SGCD: variants seen among roughly 807,000 people sequenced by gnomAD.
SGCD encodes the protein sarcoglycan delta, also known as delta-sarcoglycan.
Under a neutral mutation model 36.6 loss-of-function variants are expected in SGCD, and 18 were observed. That is an observed-to-expected ratio of 0.49 (90% CI 0.34 to 0.73). SGCD has a LOEUF of 0.73. Ranked by LOEUF, SGCD falls within the 30% of genes least tolerant of loss-of-function variation. The pLI is 0.01. For missense variants in SGCD, 387 were observed against 346.7 expected (o/e 1.12, Z -0.92); for synonymous variants, 133 against 130.6 (o/e 1.02, Z -0.12).
In SGCD at chr5:156,051,441, T is replaced by C. The variant is rs911639270; in HGVS notation, c.-281-66437T>C. ...TGACCACATGGAGAGAGATGGGAGC[T>C]GTCTGCTTTTTGGCAAACTGAATAA... is the stretch of plus-strand genomic sequence containing the variant. On this transcript the variant is annotated intron_variant, in intron 1 of 9. Transcript: ENST00000517913. Among the ~76,000 whole-genome samples, 5 of 146,474 alleles carry C rather than the reference T, an allele frequency of 3.4e-5. 1 individual carries two copies. The highest frequency in any genetic ancestry group is 1.2e-4 in the African/African-American group (5 of 40,746).
chr5:156,129,376 G>T (rs1053612560), intron 3 of SGCD, among the ~76,000 whole-genome samples: 2 of 152,000 alleles, frequency 1.3e-5, no homozygotes, highest in Admixed American at 6.6e-5. Flanking sequence ...CAAATCATAC[G>T]GCTTGGTCAC....
At chr5:156,595,183 G>A (rs930694727) in intron 6 of SGCD, 132 bp downstream of exon 6, 1 of 1,070,694 alleles carries the variant, frequency 9.3e-7, no homozygotes, top group African/African-American at 1.6e-5. Flanking sequence ...CAAGATAATG[G>A]TATTAGGAGG....
In SGCD at chr5:156,094,930, G is replaced by A. The variant is rs193089951; in HGVS notation, c.-281-22948G>A. On this transcript the variant is annotated intron_variant, in intron 1 of 9. Coordinates refer to the SGCD transcript ENST00000517913. ...GCAGGAGAATCACCTGAACCTGGGA[G>A]GTGGAGGTTGCAGTGAGCCAGGTTC... is the stretch of plus-strand genomic sequence containing the variant. Among the ~76,000 whole-genome samples, 3 of 152,266 alleles carry A rather than the reference G, an allele frequency of 2.0e-5. No homozygotes were observed. The East Asian group carries it at 5.8e-4, about 29-fold the overall frequency.
chr5:156,580,226 A>G (rs11135288), intron 4 of SGCD, among the ~76,000 whole-genome samples: 48,913 of 152,074 alleles, frequency 0.32, 8,887 homozygotes, highest in African/African-American at 0.5. Context: ...TTCTTTAAGA[A>G]TGCTGAATAT....
Position 156,409,976 on chromosome 5 carries a change from A to C in SGCD, c.192+65299A>C, listed in dbSNP as rs544620930. Reference sequence around the variant, plus strand: ...TACCACTGCATAGTTGGGAAGATGTATGAAGTAATATGTTACCACAAGAAT... The same window carrying C: ...TACCACTGCATAGTTGGGAAGATGTCTGAAGTAATATGTTACCACAAGAAT... On this transcript the variant is annotated intron_variant, in intron 3 of 8. Coordinates refer to ENST00000337851, the MANE Select transcript of SGCD (RefSeq NM_000337.6). Among the ~76,000 whole-genome samples, 139 of 152,314 alleles carry C rather than the reference A, an allele frequency of 9.1e-4. 1 individual carries two copies. The highest frequency in any genetic ancestry group is 6.8e-3 in the Middle Eastern group (2 of 294).
chr5:156,377,591 A>G (rs914751061), intron 3 of SGCD, among the ~76,000 whole-genome samples: 5 of 152,186 alleles, frequency 3.3e-5, no homozygotes, highest in Non-Finnish European at 7.4e-5. Flanking sequence ...TTCAGTAGAC[A>G]ATGGAGTACA....
At chr5:156,291,094 T>C (rs1766746376) in intron 3 of SGCD, among the ~76,000 whole-genome samples, 1 of 152,144 alleles carries the variant, frequency 6.6e-6, no homozygotes, top group Non-Finnish European at 1.5e-5. Flanking sequence ...TCTGCCATTG[T>C]AGTACAAAAG....
chr5:155,831,647 G>T, the SGCD span, among the ~76,000 whole-genome samples: 1 of 152,192 alleles, frequency 6.6e-6, no homozygotes, highest in Non-Finnish European at 1.5e-5. Flanking sequence ...TTTGGCAAGT[G>T]CCAGGCATCC....
chr5:155,732,276 A>G, the SGCD span, among the ~76,000 whole-genome samples: 1 of 152,232 alleles, frequency 6.6e-6, no homozygotes, highest in Non-Finnish European at 1.5e-5. Context: ...GAGAAATTAT[A>G]TAATGTGTCT....
intron 3 of SGCD, among the ~76,000 whole-genome samples, chr5:156,166,892 G>C (rs1236817096): frequency 9.2e-5 from 14 of 152,130 alleles, no homozygotes; most frequent in Non-Finnish European, 5.9e-5. Context: ...TCTCAAACCT[G>C]CGGGGCGAAG....
the SGCD span, among the ~76,000 whole-genome samples, chr5:155,799,748 C>G: frequency 6.6e-6 from 1 of 151,136 alleles, no homozygotes; most frequent in Non-Finnish European, 1.5e-5. Flanking sequence ...TTCTGCCTTC[C>G]ATACCCACAA....
chr5:155,782,424 A>G, the SGCD span, among the ~76,000 whole-genome samples: 1 of 152,108 alleles, frequency 6.6e-6, no homozygotes, highest in Non-Finnish European at 1.5e-5. Flanking sequence ...ACAAAACAAA[A>G]CAAAAAAAAC....
chr5:156,511,207 C>T (rs1756909855), intron 4 of SGCD, among the ~76,000 whole-genome samples: 1 of 152,042 alleles, frequency 6.6e-6, no homozygotes, highest in East Asian at 1.9e-4. Flanking sequence ...ATGTTTCTAA[C>T]AACAAAAGAA....
intron 7 of SGCD, among the ~76,000 whole-genome samples, chr5:156,753,790 C>G (rs1266928013): frequency 6.6e-6 from 1 of 152,088 alleles, no homozygotes; most frequent in Non-Finnish European, 1.5e-5. Context: ...GGGTAACCAC[C>G]CCCATGATTC....
At chr5:156,304,806 A>C (rs1001770238) in intron 3 of SGCD, among the ~76,000 whole-genome samples, 2 of 152,192 alleles carry the variant, frequency 1.3e-5, no homozygotes, top group Admixed American at 1.3e-4. Context: ...TCCAGTCTGA[A>C]GTGGTCTCAG....
At chr5:156,298,904 A>G (rs1464252346) in intron 3 of SGCD, among the ~76,000 whole-genome samples, 3 of 152,004 alleles carry the variant, frequency 2.0e-5, no homozygotes, top group African/African-American at 7.2e-5. Context: ...TTGCCTCTTC[A>G]CTTTATTGAT....
intron 1 of SGCD, among the ~76,000 whole-genome samples, chr5:156,003,470 C>G (rs1242667265): frequency 6.6e-6 from 1 of 152,234 alleles, no homozygotes; most frequent in Non-Finnish European, 1.5e-5. Flanking sequence ...TGCTTTCTCA[C>G]TCTTTCCCGG....
At chr5:155,890,986 T>G (rs1311109003) in intron 1 of SGCD, among the ~76,000 whole-genome samples, 1 of 151,838 alleles carries the variant, frequency 6.6e-6, no homozygotes, top group East Asian at 1.9e-4. Context: ...GGAAAGAAAT[T>G]CACAAAAAAA....
At chr5:155,840,163 A>G in the SGCD span, among the ~76,000 whole-genome samples, 15 of 151,462 alleles carry the variant, frequency 9.9e-5, no homozygotes, top group African/African-American at 3.6e-4. Context: ...AATTTTTCCA[A>G]CTTTGGCTAT....
Sources: gnomAD v4.1 joint callset for allele counts (sites outside exome capture counted in the v4.1 genomes callset) on GRCh38, gnomAD v4.1.1 for gene constraint, MANE v1.5 for transcripts, NCBI Gene and HGNC (gene_info 2026-07-23, HGNC 2026-07-21) for gene names.